CD46: variants seen among roughly 807,000 people sequenced by gnomAD.
CD46 encodes the protein CD46 molecule.
A neutral mutation model predicts 53.3 loss-of-function variants in CD46; 30 were observed. The ratio of observed to expected loss-of-function variants is 0.56; its 90% CI spans 0.42 to 0.76. The LOEUF (loss-of-function observed/expected upper bound fraction) is 0.76. Ranked by LOEUF, CD46 falls within the 30% of genes least tolerant of loss-of-function variation. CD46 has a pLI of 0.00. For synonymous variants in CD46, 142 were observed against 152.0 expected (o/e 0.93, Z 0.48); for missense variants, 409 against 463.0 (o/e 0.88, Z 1.07).
rs1048263862 is a variant in CD46 at position 207,767,074 on chromosome 1, A to T, written c.735A>T (p.Lys245Asn). 1.2e-6 allele frequency: 2 copies of T among 1,613,788 alleles called. No individual in the cohort carries two copies. The highest frequency in any genetic ancestry group is 1.7e-6 in the Non-Finnish European group (2 of 1,179,728). The change falls in exon 6 of 13, where the codon AAA (lysine) becomes AAT (asparagine). Residue 245 changes from lysine to asparagine, a missense_variant. Transcript: ENST00000367042. ...NGKQISGFGK[K>N]FYYKATVMFE... is the part of the protein sequence containing the mutation. ...AACAGATATCAGGATTTGGAAAAAAATTTTACTACAAAGCAACAGTTATGT... is the reference window on the plus strand; with the variant it reads ...AACAGATATCAGGATTTGGAAAAAATTTTTACTACAAAGCAACAGTTATGT...
At chr1:207,773,019 C>T (rs1472307997) in intron 8 of CD46, among the ~76,000 whole-genome samples, 1 of 152,000 alleles carries the variant, frequency 6.6e-6, no homozygotes, top group Non-Finnish European at 1.5e-5. Context: ...GCTGTGAATC[C>T]ATCTGGTCCT....
chr1:207,758,817 G>A (rs1262442432), intron 3 of CD46, among the ~76,000 whole-genome samples: 1 of 152,098 alleles, frequency 6.6e-6, no homozygotes, highest in Non-Finnish European at 1.5e-5. Context: ...CACACCGAGG[G>A]ATACCAAAAC....
intron 5 of CD46, among the ~76,000 whole-genome samples, chr1:207,766,789 G>A (rs1206871472): frequency 6.6e-6 from 1 of 152,084 alleles, no homozygotes; most frequent in Non-Finnish European, 1.5e-5. Context: ...AAGAAAATGT[G>A]GTTACAATAT....
intron 11 of CD46, among the ~76,000 whole-genome samples, chr1:207,788,181 A>G (rs961538903): frequency 3.9e-5 from 6 of 152,104 alleles, no homozygotes; most frequent in Admixed American, 6.6e-5. Context: ...ATGGGGTAAT[A>G]AATAGTACTT....
Position 207,761,250 on chromosome 1 carries a change from G to C in CD46, c.477G>C (p.Lys159Asn). The C allele has an allele frequency of 6.3e-7, 1 of 1,592,788 alleles. No homozygotes were observed. The highest frequency in any genetic ancestry group is 8.6e-7 in the Non-Finnish European group (1 of 1,161,442). ...TTCCTCTTTTTCTTCATTTTTAAGAGGTTTTGTGTACACCACCTCCAAAAA... is the reference window on the plus strand; with the variant it reads ...TTCCTCTTTTTCTTCATTTTTAAGACGTTTTGTGTACACCACCTCCAAAAA... ...IWSGKPPICE[K>N]VLCTPPPKIK... is the part of the protein sequence containing the mutation. Residue 159 changes from lysine (K) to asparagine (N), a missense_variant and splice_region_variant, in exon 5 of 13, where the codon AAG becomes AAC. By Grantham distance (94) the Lys-to-Asn change is moderately conservative. Coordinates refer to ENST00000367042, the MANE Select transcript of CD46 (RefSeq NM_172351.3).
chr1:207,753,909 T>C (rs1655208213), intron 1 of CD46, among the ~76,000 whole-genome samples: 1 of 152,190 alleles, frequency 6.6e-6, no homozygotes, highest in Non-Finnish European at 1.5e-5. Flanking sequence ...GTATGTCTGG[T>C]GCTATTACAC....
At chr1:207,765,880 A>C (rs1351898147) in intron 5 of CD46, among the ~76,000 whole-genome samples, 2 of 152,156 alleles carry the variant, frequency 1.3e-5, no homozygotes, top group African/African-American at 4.8e-5. Context: ...ATTCATAATC[A>C]CCCCAAACTG....
At chr1:207,788,455 C>T (rs1558082221) in intron 11 of CD46, among the ~76,000 whole-genome samples, 1 of 151,900 alleles carries the variant, frequency 6.6e-6, no homozygotes, top group African/African-American at 2.4e-5. Context: ...GGAGGCGGAG[C>T]TTGCAGTGAG....
rs558218624 is a variant in CD46 at position 207,778,749 on chromosome 1, A to G, written c.944-4543A>G. On this transcript the variant is annotated intron_variant, in intron 8 of 12. Coordinates refer to ENST00000367042, the MANE Select transcript of CD46 (RefSeq NM_172351.3). ...CCTCCAGCTTTGTTCTTTTTGCGTA[A>G]GATTTTCTTGACTATTCAGGCTCTT... Among the ~76,000 whole-genome samples the G allele has an allele frequency of 1.7e-3, 261 of 152,164 alleles. 1 individual carries two copies. The highest frequency in any genetic ancestry group is 5.6e-3 in the African/African-American group (231 of 41,554).
intron 12 of CD46, among the ~76,000 whole-genome samples, chr1:207,792,732 G>T (rs531774527): frequency 2.3e-4 from 35 of 152,314 alleles, no homozygotes; most frequent in African/African-American, 7.9e-4. Context: ...AGGGCCCAGA[G>T]CTGTGCTGTC....
intron 4 of CD46, chr1:207,760,148 G>A (rs1428238695): frequency 6.1e-6 from 1 of 164,258 alleles, no homozygotes; most frequent in African/African-American, 2.4e-5. Flanking sequence ...AAAGTGCTGG[G>A]ATTACAAATG....
At chr1:207,758,257 G>A (rs1655791055) in intron 3 of CD46, among the ~76,000 whole-genome samples, 14 of 152,120 alleles carry the variant, frequency 9.2e-5, no homozygotes, top group Admixed American at 9.2e-4. Flanking sequence ...TAAGTATTCT[G>A]CTATAACAGA....
chr1:207,755,295 G>C (rs1454554115), intron 1 of CD46, among the ~76,000 whole-genome samples: 1 of 152,210 alleles, frequency 6.6e-6, no homozygotes, highest in East Asian at 1.9e-4. Context: ...GCAAGGTTAA[G>C]TTTGAGGTTC....
intron 12 of CD46, 51 bp downstream of exon 12, chr1:207,790,396 T>C (rs1659689129): frequency 1.1e-6 from 1 of 898,206 alleles, no homozygotes. Context: ...TTGAAAAATA[T>C]TCAGTGGATA....
Position 207,770,372 on chromosome 1 carries a change from C to T in CD46, c.943+10C>T, listed in dbSNP as rs1477759097. 5 of 1,549,074 alleles carry T rather than the reference C, an allele frequency of 3.2e-6. No individual in the cohort carries two copies. The highest frequency in any genetic ancestry group is 4.5e-6 in the Non-Finnish European group (5 of 1,121,604). On this transcript the variant is annotated intron_variant, in intron 8 of 12. Transcript: ENST00000367042. Reference sequence around the variant, plus strand: ...GTCTCAAATTATCCAGGTTGGTTAACTCTTTATCCTACTGATATTGTTAAG... The same window carrying T: ...GTCTCAAATTATCCAGGTTGGTTAATTCTTTATCCTACTGATATTGTTAAG...
In CD46 at chr1:207,759,706, A is replaced by G; in HGVS notation, c.457A>G (p.Lys153Glu). 1 of 1,605,188 alleles carries G rather than the reference A, an allele frequency of 6.2e-7. No homozygotes were observed. The highest frequency in any genetic ancestry group is 8.5e-7 in the Non-Finnish European group (1 of 1,172,156). Reference protein sequence around the residue: ...LKGSVAIWSGKPPICEKVLCT... With the variant: ...LKGSVAIWSGEPPICEKVLCT... The stretch of plus-strand genomic sequence containing the variant: ...AGGATCAGTAGCAATTTGGAGCGGT[A>G]AGCCCCCAATATGTGAAAGTAAGTA... The change falls in exon 4 of 13, where the codon AAG becomes GAG. Residue 153 changes from lysine to glutamate, a missense_variant. Coordinates refer to ENST00000367042, the MANE Select transcript of CD46 (RefSeq NM_172351.3).
intron 8 of CD46, among the ~76,000 whole-genome samples, chr1:207,772,103 T>G (rs1269025239): frequency 1.5e-4 from 23 of 151,950 alleles, no homozygotes; most frequent in Non-Finnish European, 2.9e-4. Context: ...TCTTTGAAGA[T>G]GTCCTTCACA....
Position 207,752,082 on chromosome 1 carries a change from C to A in CD46, c.-131C>A. 1 of 928,010 alleles carries A rather than the reference C, an allele frequency of 1.1e-6. No homozygotes were observed. The highest frequency in any genetic ancestry group is 1.8e-6 in the Non-Finnish European group (1 of 569,668). 57.5% of individuals were successfully genotyped at this position (928,010 alleles called of 1,614,324 possible). A position where few individuals can be genotyped will look rare whatever the true frequency, so the allele number is the denominator to read the frequency against. The stretch of plus-strand genomic sequence containing the variant: ...GCTCGGGCCACGCCCACCTGTCCTG[C>A]AGCACTGGATGCTTTGTGAGTTGGG... On this transcript the variant is annotated 5_prime_UTR_variant, in exon 1 of 13. Transcript: ENST00000367042. This position sits in a 1 kb window ranked among gnomAD's most constrained non-coding sequence, Gnocchi z 4.1.
rs1476039278 is a variant in CD46, at chr1:207,794,370, T to C, written c.*893T>C. 1 of 152,254 alleles carries C rather than the reference T, an allele frequency of 6.6e-6. No individual in the cohort carries two copies. The highest frequency in any genetic ancestry group is 1.5e-5 in the Non-Finnish European group (1 of 68,064). The allele number at this position is 152,254 out of a possible 1,614,324, so 9.4% of individuals were successfully genotyped here. Reference sequence around the variant, plus strand: ...ATGGTGCGAAGTGAACACTGTAGTCTTGTTGTTTTCCCAAAGAGAACTCCG... The same window carrying C: ...ATGGTGCGAAGTGAACACTGTAGTCCTGTTGTTTTCCCAAAGAGAACTCCG... On this transcript the variant is annotated 3_prime_UTR_variant, in exon 13 of 13. Coordinates refer to ENST00000367042, the MANE Select transcript of CD46 (RefSeq NM_172351.3).
Sources: gnomAD v4.1 joint callset for allele counts (sites outside exome capture counted in the v4.1 genomes callset) on GRCh38, gnomAD v4.1.1 for gene constraint, Gnocchi (gnomAD v3.1) non-coding constraint, MANE v1.5 for transcripts, NCBI Gene and HGNC (gene_info 2026-07-23, HGNC 2026-07-21) for gene names.